Variants in CFAP210 observed in about 807,000 individuals in gnomAD.
The protein encoded by CFAP210 is cilia- and flagella- associated protein 210.
chr2:169,684,819 AT>A, the CFAP210 span, among the ~76,000 whole-genome samples: 1 of 151,756 alleles, frequency 6.6e-6, no homozygotes, highest in Non-Finnish European at 1.5e-5. Context: ...TGCCCAGCTA[AT>A]TTTTTTTGTA....
At chr2:169,650,829 T>C in the CFAP210 span, among the ~76,000 whole-genome samples, 43 of 151,398 alleles carry the variant, frequency 2.8e-4, 1 homozygote, top group South Asian at 8.3e-3. Context: ...CCAGGTGTGG[T>C]AGCTCATGCC....
At chr2:169,645,859 C>T in the CFAP210 span, 1 of 1,611,264 alleles carries the variant, frequency 6.2e-7, no homozygotes, top group Non-Finnish European at 8.5e-7. Context: ...TAAAACCTAG[C>T]CTTCTCTTTG....
the CFAP210 span, among the ~76,000 whole-genome samples, chr2:169,648,643 T>C: frequency 1.3e-5 from 2 of 152,308 alleles, no homozygotes; most frequent in South Asian, 4.1e-4. Context: ...CCATAAGATA[T>C]CACTATACTA....
chr2:169,669,601 T>C, the CFAP210 span, among the ~76,000 whole-genome samples: 1 of 152,002 alleles, frequency 6.6e-6, no homozygotes, highest in Non-Finnish European at 1.5e-5. Flanking sequence ...CAACATGAAT[T>C]GCTGAGAGAT....
chr2:169,650,712 CAA>C, the CFAP210 span, among the ~76,000 whole-genome samples: 1 of 146,966 alleles, frequency 6.8e-6, no homozygotes, highest in African/African-American at 2.6e-5. Flanking sequence ...TTCTAAAATC[CAA>C]AGACAGTAAT....
At chr2:169,650,685 C>A in the CFAP210 span, among the ~76,000 whole-genome samples, 8 of 149,680 alleles carry the variant, frequency 5.3e-5, no homozygotes, top group South Asian at 1.3e-3. Flanking sequence ...TATTTTTTAA[C>A]TATAAAGTAA....
the CFAP210 span, chr2:169,675,013 T>A: frequency 6.5e-7 from 1 of 1,528,274 alleles, no homozygotes; most frequent in African/African-American, 1.4e-5. Flanking sequence ...CGCTTCTTTT[T>A]GGCTTCAAGT....
At chr2:169,670,851 T>C in the CFAP210 span, among the ~76,000 whole-genome samples, 1 of 152,214 alleles carries the variant, frequency 6.6e-6, no homozygotes, top group South Asian at 2.1e-4. Flanking sequence ...GGAAATGAGT[T>C]ACTATGTATA....
At chr2:169,693,892 C>G in the CFAP210 span, among the ~76,000 whole-genome samples, 4 of 152,144 alleles carry the variant, frequency 2.6e-5, no homozygotes, top group Admixed American at 6.5e-5. Flanking sequence ...CCAATTCAAT[C>G]AGTGAATAAC....
chr2:169,671,121 C>G, the CFAP210 span, among the ~76,000 whole-genome samples: 146 of 152,118 alleles, frequency 9.6e-4, no homozygotes, highest in Non-Finnish European at 1.5e-3. Context: ...CAAAAGACAC[C>G]ATGAGCCGAT....
chr2:169,676,560 C>T, the CFAP210 span, among the ~76,000 whole-genome samples: 1 of 151,976 alleles, frequency 6.6e-6, no homozygotes, highest in Non-Finnish European at 1.5e-5. Flanking sequence ...ACTCCCCCTA[C>T]CTGTAGGCCC....
At chr2:169,646,951 A>C in the CFAP210 span, among the ~76,000 whole-genome samples, 2 of 152,136 alleles carry the variant, frequency 1.3e-5, no homozygotes, top group African/African-American at 4.8e-5. Flanking sequence ...GAATATATTT[A>C]ATATTCATAA....
chr2:169,690,776 T>C, the CFAP210 span, among the ~76,000 whole-genome samples: 1 of 152,232 alleles, frequency 6.6e-6, no homozygotes, highest in Non-Finnish European at 1.5e-5. Context: ...GTTAATCTTA[T>C]TGAGGATTAC....
At chr2:169,658,117 A>G in the CFAP210 span, 1 of 152,176 alleles carries the variant, frequency 6.6e-6, no homozygotes, top group African/African-American at 2.4e-5. Flanking sequence ...GAAATCAGAG[A>G]TTTAGCCCTA....
the CFAP210 span, among the ~76,000 whole-genome samples, chr2:169,694,039 T>C: frequency 6.6e-6 from 1 of 152,094 alleles, no homozygotes; most frequent in Non-Finnish European, 1.5e-5. Context: ...GTAAACATTC[T>C]CCCACCCACT....
the CFAP210 span, among the ~76,000 whole-genome samples, chr2:169,673,544 G>A: frequency 2.0e-5 from 3 of 152,084 alleles, no homozygotes; most frequent in African/African-American, 7.2e-5. Context: ...TATATTCTGA[G>A]AACTGATGTC....
At chr2:169,671,320 C>A in the CFAP210 span, among the ~76,000 whole-genome samples, 1 of 152,166 alleles carries the variant, frequency 6.6e-6, no homozygotes, top group Non-Finnish European at 1.5e-5. Context: ...TGAAATTAGG[C>A]GCAGGAACCA....
At chr2:169,650,331 C>A in the CFAP210 span, 7 of 1,580,966 alleles carry the variant, frequency 4.4e-6, no homozygotes, top group Non-Finnish European at 5.1e-6. Context: ...TTGTTTACCA[C>A]AATGGCTCGA....
chr2:169,666,523 T>C, the CFAP210 span, among the ~76,000 whole-genome samples: 1 of 151,540 alleles, frequency 6.6e-6, no homozygotes, highest in African/African-American at 2.4e-5. Flanking sequence ...TGTTTGTTTG[T>C]TTTTGCTTGT....
Sources: gnomAD v4.1 joint callset for allele counts (sites outside exome capture counted in the v4.1 genomes callset) on GRCh38, gnomAD v4.1.1 for gene constraint, MANE v1.5 for transcripts, NCBI Gene and HGNC (gene_info 2026-07-23, HGNC 2026-07-21) for gene names.